Variants in UNC80 observed in about 807,000 individuals in gnomAD.
UNC80 encodes protein unc-80 homolog.
In UNC80, 164 loss-of-function variants were observed where a neutral mutation model predicts 384.6. The observed-to-expected ratio is 0.43, with a 90% CI of 0.38 to 0.49. UNC80 has a LOEUF of 0.49. Among genes scored for constraint, UNC80 ranks in the 20% least tolerant of loss-of-function variants. UNC80 has a pLI of 0.00. For missense variants in UNC80, 3,330 were observed against 4,143.0 expected (o/e 0.80, Z 5.39); for synonymous variants, 1,486 against 1,527.8 (o/e 0.97, Z 0.64).
At chr2:209,794,271 A>G (rs1194669739) in intron 7 of UNC80, among the ~76,000 whole-genome samples, 1 of 152,204 alleles carries the variant, frequency 6.6e-6, no homozygotes, top group Admixed American at 6.5e-5. Context: ...ATTCTTTGTA[A>G]ATATTCTAAC....
chr2:209,896,444 A>G, intron 28 of UNC80, 31 bp downstream of exon 28: 2 of 1,528,630 alleles, frequency 1.3e-6, no homozygotes, highest in Non-Finnish European at 1.8e-6. Flanking sequence ...CAGCCCTGAG[A>G]TCAATTTCTT....
At chr2:209,959,739 G>GA in intron 51 of UNC80, 32 bp downstream of exon 51, 1 of 1,539,344 alleles carries the variant, frequency 6.5e-7, no homozygotes, top group South Asian at 1.2e-5. Context: ...CCCCAAGTGT[G>GA]AACACAGCTT....
In UNC80 at chr2:209,914,947, A is replaced by G. The variant is rs981472284; in HGVS notation, c.5029+1007A>G. Among the ~76,000 whole-genome samples, 4 of 152,100 alleles carry G rather than the reference A, an allele frequency of 2.6e-5. No homozygotes were observed. The East Asian group carries it at 7.7e-4, about 29-fold the overall frequency. The stretch of plus-strand genomic sequence containing the variant: ...GTGGAGTTCAGCCTTTTGCTCTTTT[A>G]TACCATACTGCAATAAATATCTTGG... On this transcript the variant is annotated intron_variant, in intron 31 of 64. Transcript: ENST00000673920.
intron 61 of UNC80, among the ~76,000 whole-genome samples, chr2:209,989,305 A>G (rs1278060411): frequency 6.6e-6 from 1 of 150,602 alleles, no homozygotes; most frequent in African/African-American, 2.4e-5. Flanking sequence ...AGCCTGGGCA[A>G]CAGAGCAAGA....
intron 5 of UNC80, among the ~76,000 whole-genome samples, chr2:209,788,435 T>A (rs931539810): frequency 1.8e-4 from 27 of 149,766 alleles, no homozygotes; most frequent in African/African-American, 4.9e-4. Flanking sequence ...AAAAAAGTTT[T>A]AAAAAAAAGT....
chr2:209,994,222 C>T lies in UNC80; in HGVS notation c.9666C>T (p.Pro3222=), dbSNP rs1486687667. The change falls in exon 64 of 65, where the codon CCC becomes CCT. Residue 3222 remains proline, a synonymous_variant. Transcript: ENST00000673920. ...ACGAACCAGTCCTCACATCTTCTCC[C>T]GCCATAGTTGTTGCGGATCTCCACA... is the stretch of plus-strand genomic sequence containing the variant. ...AMDEPVLTSS[P]AIVVADLHSV... 10 of 1,551,080 alleles carry T rather than the reference C, an allele frequency of 6.4e-6. No homozygotes were observed. Among genetic ancestry groups the T allele is most frequent in the Admixed American group, 5.9e-5 (3 of 50,926 alleles).
At chr2:209,968,964 G>A (rs890044138) in intron 52 of UNC80, 2 of 152,182 alleles carry the variant, frequency 1.3e-5, no homozygotes, top group African/African-American at 2.4e-5. Flanking sequence ...ATTACCTTCA[G>A]TGTCGGAGAT....
chr2:209,989,702 C>A (rs971218780), intron 61 of UNC80, among the ~76,000 whole-genome samples: 1 of 152,120 alleles, frequency 6.6e-6, no homozygotes, highest in African/African-American at 2.4e-5. Flanking sequence ...TCTAGTATTG[C>A]ACATCTTATA....
At chr2:209,885,694 T>C (rs1234442668) in intron 25 of UNC80, among the ~76,000 whole-genome samples, 1 of 152,112 alleles carries the variant, frequency 6.6e-6, no homozygotes, top group Non-Finnish European at 1.5e-5. Flanking sequence ...TGAGTCAAAA[T>C]GTAACTTCTG....
intron 26 of UNC80, among the ~76,000 whole-genome samples, chr2:209,889,177 T>G (rs2086105377): frequency 6.6e-6 from 1 of 152,180 alleles, no homozygotes; most frequent in South Asian, 2.1e-4. Context: ...AATGGGAGAC[T>G]ACTTTATGAG....
chr2:209,853,561 T>G (rs1305289146), intron 22 of UNC80, among the ~76,000 whole-genome samples: 1 of 152,076 alleles, frequency 6.6e-6, no homozygotes, highest in African/African-American at 2.4e-5. Flanking sequence ...GATGCAACTG[T>G]AAGGCATTTT....
At chr2:209,787,240 G>C (rs2077500946) in intron 5 of UNC80, among the ~76,000 whole-genome samples, 2 of 123,696 alleles carry the variant, frequency 1.6e-5, no homozygotes, top group East Asian at 2.8e-4. Flanking sequence ...CTCGGCACCA[G>C]TTTACTCACA....
chr2:209,995,255 C>T, intron 64 of UNC80, 74 bp from the exon 65 acceptor site: 1 of 1,509,624 alleles, frequency 6.6e-7, no homozygotes, highest in Non-Finnish European at 8.9e-7. Flanking sequence ...TACCACTAGA[C>T]AACAACATTT....
chr2:209,957,392 C>T (rs760673047), intron 48 of UNC80, among the ~76,000 whole-genome samples: 15 of 152,048 alleles, frequency 9.9e-5, no homozygotes, highest in South Asian at 2.1e-4. Context: ...GTCATTTTGA[C>T]GAGTCTATTA....
At chr2:209,945,478 G>C (rs2091871260) in intron 46 of UNC80, among the ~76,000 whole-genome samples, 1 of 152,030 alleles carries the variant, frequency 6.6e-6, no homozygotes, top group African/African-American at 2.4e-5. Flanking sequence ...GGGTTATCTT[G>C]GGTAATTCTA....
chr2:209,844,451 TTTTC>T (rs368627996), intron 21 of UNC80, among the ~76,000 whole-genome samples: 5,828 of 57,992 alleles, frequency 0.1, 796 homozygotes, highest in Non-Finnish European at 0.12. Context: ...TGCTCTTTTC[TTTTC>T]TTTCTTTCTT....
rs2093009452 is a variant in UNC80, at chr2:209,976,204, G to A, written c.8673G>A (p.Leu2891=). 4 of 1,551,688 alleles carry A rather than the reference G, an allele frequency of 2.6e-6. No individual in the cohort carries two copies. In the Admixed American group the frequency reaches 5.9e-5, roughly 23 times the overall value. Reference sequence around the variant, plus strand: ...GCCTCCAGGTGAAGGAGATGGCTCTGCGGAAGGTGGGAGGCCTGGCCCTTT... The same window carrying A: ...GCCTCCAGGTGAAGGAGATGGCTCTACGGAAGGTGGGAGGCCTGGCCCTTT... ...WLSLQVKEMA[L]RKVGGLALWD... is the part of the protein sequence containing the mutation. The change falls in exon 57 of 65, where the codon CTG becomes CTA. Residue 2891 remains leucine (L), a synonymous_variant. Coordinates refer to ENST00000673920, the MANE Select transcript of UNC80 (RefSeq NM_001371986.1). The surrounding 1 kb of genome is among the most constrained non-coding windows in gnomAD (Gnocchi z 4.3).
At chr2:209,991,631 G>A (rs1412116059) in intron 61 of UNC80, among the ~76,000 whole-genome samples, 1 of 152,170 alleles carries the variant, frequency 6.6e-6, no homozygotes, top group African/African-American at 2.4e-5. Context: ...GTTTACCCAT[G>A]TGACTATTCA....
Position 209,820,615 on chromosome 2 carries a change from A to ATGGAGGAGGAGG in UNC80, c.2277_2288dup (p.Gly763_Gly766dup). On this transcript the variant is annotated inframe_insertion, in exon 13 of 65. Coordinates refer to ENST00000673920, the MANE Select transcript of UNC80 (RefSeq NM_001371986.1). ...GGAGATGGAGGAGGTGGAGGAGGTG[A>ATGGAGGAGGAGG]TGGAGGAGGAGGTGGAGGAGGTGGA... is the stretch of plus-strand genomic sequence containing the variant. 6.5e-7 allele frequency: 1 copy of ATGGAGGAGGAGG among 1,546,772 alleles called. No individual in the cohort carries two copies. Among genetic ancestry groups the ATGGAGGAGGAGG allele is most frequent in the South Asian group, 1.2e-5 (1 of 83,756 alleles).
Sources: gnomAD v4.1 joint callset for allele counts (sites outside exome capture counted in the v4.1 genomes callset) on GRCh38, gnomAD v4.1.1 for gene constraint, Gnocchi (gnomAD v3.1) non-coding constraint, MANE v1.5 for transcripts, NCBI Gene and HGNC (gene_info 2026-07-23, HGNC 2026-07-21) for gene names.